MAST4: variants seen among roughly 807,000 people sequenced by gnomAD.
MAST4 encodes microtubule-associated serine/threonine-protein kinase 4.
In MAST4, 89 loss-of-function variants were observed where a neutral mutation model predicts 162.7. The observed-to-expected ratio is 0.55, with a 90% CI of 0.46 to 0.65. The LOEUF (loss-of-function observed/expected upper bound fraction) is 0.65. Ranked by LOEUF, MAST4 falls within the 30% of genes least tolerant of loss-of-function variation. The pLI, the probability that MAST4 is intolerant of heterozygous loss-of-function variation, is 0.00. For synonymous variants in MAST4, 1,479 were observed against 1,361.1 expected (o/e 1.09, Z -1.91); for missense variants, 3,153 against 3,374.0 (o/e 0.93, Z 1.62).
intron 4 of MAST4, among the ~76,000 whole-genome samples, chr5:66,994,568 T>C (rs1750416072): frequency 6.6e-6 from 1 of 152,216 alleles, no homozygotes; most frequent in Non-Finnish European, 1.5e-5. Flanking sequence ...CTTTGAAAGT[T>C]TTTTGATCAC....
intron 1 of MAST4, among the ~76,000 whole-genome samples, chr5:66,693,831 G>A (rs1749219524): frequency 6.6e-6 from 1 of 152,122 alleles, no homozygotes; most frequent in African/African-American, 2.4e-5. Flanking sequence ...AGAGAAACAA[G>A]CTAGCAAGTA....
intron 1 of MAST4, among the ~76,000 whole-genome samples, chr5:66,633,341 T>A (rs139582249): frequency 7.9e-5 from 12 of 152,172 alleles, no homozygotes; most frequent in African/African-American, 2.9e-4. Context: ...TGTAAAACAT[T>A]TGAATGTGTA....
chr5:66,932,509 C>T (rs1406286651), intron 4 of MAST4, among the ~76,000 whole-genome samples: 1 of 152,084 alleles, frequency 6.6e-6, no homozygotes, highest in Admixed American at 6.5e-5. Flanking sequence ...AGAGAAAAAA[C>T]GATATGAGAT....
At chr5:66,856,595 AAGATT>A (rs1759700927) in intron 3 of MAST4, among the ~76,000 whole-genome samples, 1 of 152,226 alleles carries the variant, frequency 6.6e-6, no homozygotes, top group African/African-American at 2.4e-5. Context: ...TCTGGAGGAA[AAGATT>A]AGAAGTTCCT....
chr5:66,999,221 G>A (rs576169913), intron 4 of MAST4, among the ~76,000 whole-genome samples: 3 of 152,286 alleles, frequency 2.0e-5, no homozygotes, highest in Admixed American at 2.0e-4. Flanking sequence ...GTTCTCCCAC[G>A]GGGTGGAACT....
chr5:66,854,678 G>T (rs1451078538), intron 3 of MAST4, among the ~76,000 whole-genome samples: 2 of 152,180 alleles, frequency 1.3e-5, no homozygotes, highest in Non-Finnish European at 1.5e-5. Flanking sequence ...CCTAATCTGG[G>T]AAGTGACACC....
intron 4 of MAST4, among the ~76,000 whole-genome samples, chr5:66,931,622 A>G (rs1742202205): frequency 6.6e-6 from 1 of 152,198 alleles, no homozygotes; most frequent in Non-Finnish European, 1.5e-5. Context: ...ATTGATTTCT[A>G]GTTATTCCAT....
chr5:66,804,892 T>C (rs1033152937), intron 3 of MAST4, among the ~76,000 whole-genome samples: 5 of 152,222 alleles, frequency 3.3e-5, no homozygotes, highest in African/African-American at 9.6e-5. Context: ...AGTTTGAAAA[T>C]TATCTGTTTT....
intron 1 of MAST4, among the ~76,000 whole-genome samples, chr5:66,663,735 C>G (rs1314526830): frequency 6.6e-6 from 1 of 152,070 alleles, no homozygotes; most frequent in African/African-American, 2.4e-5. Flanking sequence ...GACCTGTGGG[C>G]CATTTTTAGA....
chr5:66,771,040 C>T (rs927120779), intron 2 of MAST4, among the ~76,000 whole-genome samples: 4 of 152,082 alleles, frequency 2.6e-5, no homozygotes, highest in Non-Finnish European at 5.9e-5. Context: ...ACCTTTGGCT[C>T]GGTGTGTTAA....
intron 1 of MAST4, among the ~76,000 whole-genome samples, chr5:66,672,709 A>G (rs559959229): frequency 2.0e-5 from 3 of 152,256 alleles, no homozygotes; most frequent in Non-Finnish European, 4.4e-5. Flanking sequence ...GGTTGCTTTT[A>G]ACTTCTGGCC....
chr5:66,972,668 G>C (rs1414626052), intron 4 of MAST4, among the ~76,000 whole-genome samples: 1 of 152,190 alleles, frequency 6.6e-6, no homozygotes, highest in Admixed American at 6.5e-5. Flanking sequence ...CCCTAGATTT[G>C]TGTAGTAGTA....
At chr5:66,966,508 A>G (rs1009899950) in intron 4 of MAST4, among the ~76,000 whole-genome samples, 10 of 152,236 alleles carry the variant, frequency 6.6e-5, no homozygotes, top group Admixed American at 6.5e-5. Flanking sequence ...CCATAGAGTC[A>G]TTAAGGGATC....
At chr5:66,917,881 A>G (rs35807532) in intron 4 of MAST4, among the ~76,000 whole-genome samples, 1,645 of 151,982 alleles carry the variant, frequency 0.011, 24 homozygotes, top group Middle Eastern at 0.037. Flanking sequence ...ATTTTTCCAC[A>G]TTGTTCTGGT....
intron 4 of MAST4, among the ~76,000 whole-genome samples, chr5:66,956,294 G>T (rs1745307476): frequency 6.6e-6 from 1 of 152,146 alleles, no homozygotes; most frequent in African/African-American, 2.4e-5. Context: ...CGATGTAGAG[G>T]CTTAGTTGTA....
chr5:67,098,741 A>G (rs111274737), intron 7 of MAST4, among the ~76,000 whole-genome samples: 1,874 of 152,234 alleles, frequency 0.012, 43 homozygotes, highest in African/African-American at 0.043. Flanking sequence ...CTCTGAAGTC[A>G]ATAGATACTG....
chr5:66,931,724 C>G (rs1037289364), intron 4 of MAST4, among the ~76,000 whole-genome samples: 1 of 151,928 alleles, frequency 6.6e-6, no homozygotes, highest in African/African-American at 2.4e-5. Flanking sequence ...TTGAAGATAG[C>G]GTTGCTGCCT....
chr5:66,928,764 C>T (rs1765087615), intron 4 of MAST4, among the ~76,000 whole-genome samples: 1 of 152,134 alleles, frequency 6.6e-6, no homozygotes, highest in African/African-American at 2.4e-5. Flanking sequence ...AGCCTTAATT[C>T]TTTTTCCATG....
At chr5:66,945,859 T>A (rs1362719194) in intron 4 of MAST4, among the ~76,000 whole-genome samples, 1 of 152,176 alleles carries the variant, frequency 6.6e-6, no homozygotes, top group East Asian at 1.9e-4. Flanking sequence ...GCAGGTTATG[T>A]GCTAAACTAT....
Sources: gnomAD v4.1 joint callset for allele counts (sites outside exome capture counted in the v4.1 genomes callset) on GRCh38, gnomAD v4.1.1 for gene constraint, MANE v1.5 for transcripts, NCBI Gene and HGNC (gene_info 2026-07-23, HGNC 2026-07-21) for gene names.